AMBRA1: variants seen among roughly 807,000 people sequenced by gnomAD.
The protein encoded by AMBRA1 is autophagy and beclin 1 regulator 1, also known as activating molecule in BECN1-regulated autophagy protein 1.
A neutral mutation model predicts 125.4 loss-of-function variants in AMBRA1; 47 were observed. That is an observed-to-expected ratio of 0.37 (90% confidence interval 0.30 to 0.48). The LOEUF (loss-of-function observed/expected upper bound fraction) is 0.48, where lower values mean the gene tolerates loss of function less well. Ranked by LOEUF, AMBRA1 falls within the 20% of genes least tolerant of loss-of-function variation. The pLI is 0.99. For synonymous variants in AMBRA1, 626 were observed against 655.5 expected, an observed-to-expected ratio of 0.95 and a Z score of 0.69; for missense variants, 1,331 against 1,693.4, an observed-to-expected ratio of 0.79 and a Z score of 3.76.
intron 1 of AMBRA1, among the ~76,000 whole-genome samples, chr11:46,586,217 C>T (rs1342165849): frequency 6.6e-6 from 1 of 151,984 alleles, no homozygotes; most frequent in African/African-American, 2.4e-5. Context: ...ACAAGCCTGG[C>T]CAACATGGCA....
chr11:46,404,198 AAAC>A lies in AMBRA1; in HGVS notation c.3403+4312_3403+4314del, dbSNP rs533270172. 5.3e-5 allele frequency among the ~76,000 whole-genome samples: 8 copies of A among 152,316 alleles called. No individual in the cohort carries two copies. In the East Asian group the frequency reaches 1.5e-3, roughly 29 times the overall value. ...AGCGAGATCTTGTCTCAAAAAATAA[AAAC>A]AAAATAAATAAATCTTGGTGCCTGT... On this transcript the variant is annotated intron_variant, in intron 17 of 17. Coordinates refer to ENST00000683756, the MANE Select transcript of AMBRA1 (RefSeq NM_001387011.1).
chr11:46,576,755 A>C lies in AMBRA1; in HGVS notation c.-121+17073T>G, dbSNP rs2043973554. 3.3e-5 allele frequency among the ~76,000 whole-genome samples: 5 copies of C among 152,222 alleles called. No homozygotes were observed. The South Asian group carries it at 1.0e-3, about 32-fold the overall frequency. On this transcript the variant is annotated intron_variant, in intron 1 of 17. Coordinates refer to ENST00000683756, the MANE Select transcript of AMBRA1 (RefSeq NM_001387011.1). ...CTCCAAGAGATTATAAAATATAGGA[A>C]GCCCATTTCAAATAGCTTCATGTAA...
At chr11:46,483,599 G>A (rs1950157424) in intron 11 of AMBRA1, among the ~76,000 whole-genome samples, 1 of 152,108 alleles carries the variant, frequency 6.6e-6, no homozygotes, top group Non-Finnish European at 1.5e-5. Flanking sequence ...TGAGCCCAGG[G>A]TTTTAAAAAG....
chr11:46,432,874 G>A (rs1312751847), intron 14 of AMBRA1, among the ~76,000 whole-genome samples: 1 of 152,196 alleles, frequency 6.6e-6, no homozygotes, highest in Admixed American at 6.5e-5. Flanking sequence ...GTTCACTCAG[G>A]CACGTTAGTC....
At chr11:46,470,277 C>CA (rs1262714576) in intron 11 of AMBRA1, among the ~76,000 whole-genome samples, 22 of 152,010 alleles carry the variant, frequency 1.4e-4, no homozygotes, top group African/African-American at 2.7e-4. Context: ...CCCATATCTA[C>CA]AAAAAATTTT....
chr11:46,522,395 T>C (rs552373740), intron 7 of AMBRA1, among the ~76,000 whole-genome samples: 2 of 152,346 alleles, frequency 1.3e-5, no homozygotes, highest in Admixed American at 6.5e-5. Context: ...ACATCTTTAC[T>C]TAGTATCCAA....
intron 12 of AMBRA1, among the ~76,000 whole-genome samples, chr11:46,438,942 AATTCACAT>A (rs1385657077): frequency 6.6e-6 from 1 of 152,192 alleles, no homozygotes; most frequent in Non-Finnish European, 1.5e-5. Context: ...GGTTAAATGC[AATTCACAT>A]AAATCAACTT....
intron 7 of AMBRA1, among the ~76,000 whole-genome samples, chr11:46,534,661 T>C (rs527896075): frequency 1.3e-5 from 2 of 152,150 alleles, no homozygotes; most frequent in African/African-American, 2.4e-5. Context: ...TCCTTGTGCA[T>C]ACTCCTCAGT....
At chr11:46,514,069 C>T (rs575577855) in intron 7 of AMBRA1, among the ~76,000 whole-genome samples, 1 of 152,206 alleles carries the variant, frequency 6.6e-6, no homozygotes, top group South Asian at 2.1e-4. Flanking sequence ...GCATATTGTT[C>T]CTCTCCAGCA....
At chr11:46,579,993 G>A (rs1031859223) in intron 1 of AMBRA1, among the ~76,000 whole-genome samples, 43 of 152,148 alleles carry the variant, frequency 2.8e-4, no homozygotes, top group African/African-American at 9.9e-4. Flanking sequence ...GATTACAGGC[G>A]TGAGTCACCA....
intron 11 of AMBRA1, among the ~76,000 whole-genome samples, chr11:46,453,056 T>C (rs1011786602): frequency 4.6e-5 from 7 of 152,268 alleles, no homozygotes; most frequent in African/African-American, 7.2e-5. Flanking sequence ...GGCATTTTCA[T>C]CTCCCCTAAA....
intron 17 of AMBRA1, 23 bp downstream of exon 17, chr11:46,408,490 C>T (rs1946133602): frequency 6.6e-7 from 1 of 1,504,358 alleles, no homozygotes; most frequent in East Asian, 2.4e-5. Context: ...CTCCCACCCC[C>T]TCCAGCGCCA....
At chr11:46,457,461 A>T (rs900984960) in intron 11 of AMBRA1, among the ~76,000 whole-genome samples, 3 of 152,240 alleles carry the variant, frequency 2.0e-5, no homozygotes, top group Admixed American at 6.5e-5. Context: ...TTCCACAACT[A>T]GGTTCAAGGA....
At chr11:46,413,092 A>G (rs1254569917) in intron 15 of AMBRA1, among the ~76,000 whole-genome samples, 1 of 152,220 alleles carries the variant, frequency 6.6e-6, no homozygotes, top group Non-Finnish European at 1.5e-5. Flanking sequence ...CCTACCTCAG[A>G]AAAGAGGCCA....
At chr11:46,424,992 A>G (rs1947049897) in intron 14 of AMBRA1, among the ~76,000 whole-genome samples, 1 of 151,886 alleles carries the variant, frequency 6.6e-6, no homozygotes. Flanking sequence ...AAAATTAGCC[A>G]GGCTGGTGGC....
intron 11 of AMBRA1, among the ~76,000 whole-genome samples, chr11:46,490,762 T>C (rs537706584): frequency 1.6e-4 from 24 of 152,314 alleles, no homozygotes; most frequent in Non-Finnish European, 2.9e-4. Flanking sequence ...CCACCTAGAC[T>C]TGGAGCTACA....
At chr11:46,582,624 C>T (rs1439040603) in intron 1 of AMBRA1, among the ~76,000 whole-genome samples, 7 of 152,114 alleles carry the variant, frequency 4.6e-5, no homozygotes, top group South Asian at 2.1e-4. Flanking sequence ...GTTGTTTGGA[C>T]GCGAATCCTG....
chr11:46,434,402 A>C (rs1590798788), intron 13 of AMBRA1, among the ~76,000 whole-genome samples: 1 of 151,724 alleles, frequency 6.6e-6, no homozygotes, highest in East Asian at 1.9e-4. Flanking sequence ...CCGCAAAACA[A>C]ACAAACAAAC....
At chr11:46,458,306 C>T (rs1948940157) in intron 11 of AMBRA1, among the ~76,000 whole-genome samples, 1 of 152,156 alleles carries the variant, frequency 6.6e-6, no homozygotes. Context: ...TCCAGATGAG[C>T]CTTTTCAGTC....
Sources: allele counts gnomAD v4.1 joint callset (sites outside exome capture counted in the v4.1 genomes callset), GRCh38; gene constraint gnomAD v4.1.1; transcripts MANE v1.5; gene names NCBI Gene and HGNC (gene_info 2026-07-23, HGNC 2026-07-21).